MICAL1: variants seen among roughly 807,000 people sequenced by gnomAD.
The protein encoded by MICAL1 is microtubule associated monooxygenase, calponin and LIM domain containing 1.
MICAL1 carries 95 observed loss-of-function variants against 131.8 expected under a neutral mutation model. The observed-to-expected ratio is 0.72, with a 90% confidence interval of 0.61 to 0.86. MICAL1 has a LOEUF of 0.86. Ranked by LOEUF, MICAL1 falls within the 40% of genes least tolerant of loss-of-function variation. The pLI is 0.00. For missense variants in MICAL1, 1,292 were observed against 1,380.6 expected (o/e 0.94, Z 1.02); for synonymous variants, 546 against 554.2 (o/e 0.99, Z 0.21).
chr6:109,450,095 CAG>C lies in MICAL1; in HGVS notation c.1192-12_1192-11del. The C allele has an allele frequency of 6.2e-7, 1 of 1,611,772 alleles. No individual in the cohort carries two copies. Among genetic ancestry groups the C allele is most frequent in the South Asian group, 1.1e-5 (1 of 90,756 alleles). On this transcript the variant is annotated splice_polypyrimidine_tract_variant and intron_variant, in intron 8 of 24. Transcript: ENST00000358807. ...CCAGGGGCCAGAAGGGCTGCAGTGT[CAG>C]AGGAATAGGAAGCAGCTCAGGGAGA...
Position 109,454,126 on chromosome 6 carries a change from TG to T in MICAL1, c.70del (p.Gln24ArgfsTer4). 1 of 1,613,498 alleles carries T rather than the reference TG, an allele frequency of 6.2e-7. No individual in the cohort carries two copies. Among genetic ancestry groups the T allele is most frequent in the Non-Finnish European group, 8.5e-7 (1 of 1,179,880 alleles). On this transcript the variant is annotated frameshift_variant, in exon 2 of 25. Transcript: ENST00000358807. LOFTEE classifies it high-confidence loss of function. ...FESFLQAQLC[Q>X]DVLSSFQELC... ...CTCCTGGAAGCTGCTCAGCACGTCC[TG>T]GCACAGCTGGGCCTGCAGGAAGCTC...
Position 109,455,754 on chromosome 6 carries a change from T to C in MICAL1, c.-79A>G. The C allele has an allele frequency of 1.1e-6, 1 of 932,402 alleles. No homozygotes were observed. Among genetic ancestry groups the C allele is most frequent in the Non-Finnish European group, 1.2e-6 (1 of 813,926 alleles). The allele number at this position is 932,402 out of a possible 1,614,324, so 57.8% of individuals were successfully genotyped here. A position where few individuals can be genotyped will look rare whatever the true frequency, so the allele number is the denominator to read the frequency against. ...GAAGCCGGGAGGGGCCGCTTCCTGT[T>C]GGGCTGGCAACCAGGTCTGAGCGGG... On this transcript the variant is annotated 5_prime_UTR_variant, in exon 1 of 25. Transcript: ENST00000358807. The surrounding 1 kb of genome is among the most constrained non-coding windows in gnomAD (Gnocchi z 4.7).
Position 109,446,762 on chromosome 6 carries a change from G to A in MICAL1, c.2238C>T (p.Tyr746=), listed in dbSNP as rs1478689657. Residue 746 remains tyrosine (Y), a synonymous_variant, in exon 18 of 25, where the codon TAC becomes TAT. Coordinates refer to ENST00000358807, the MANE Select transcript of MICAL1 (RefSeq NM_022765.4). ...CTGTCTGGGGCAGGTGCTGGAGGCA[G>A]TAGAAATGTCCTGGAAAGGGTAGAG... The part of the protein sequence containing the change: ...YEQHPGDGHF[Y]CLQHLPQTDH... The A allele has an allele frequency of 6.2e-7, 1 of 1,613,494 alleles. No individual in the cohort carries two copies. The highest frequency in any genetic ancestry group is 8.5e-7 in the Non-Finnish European group (1 of 1,179,862).
At chr6:109,465,852 C>A (rs1776023256) in exon 1 of MICAL1, 1 of 1,614,176 alleles carries the variant, frequency 6.2e-7, no homozygotes, top group South Asian at 1.1e-5. Flanking sequence ...GTTTACAGGT[C>A]AGCTCTGCTC....
chr6:109,447,296 A>G, intron 16 of MICAL1, 61 bp downstream of exon 16: 9 of 1,613,858 alleles, frequency 5.6e-6, no homozygotes, highest in Non-Finnish European at 6.8e-6. Context: ...TTTCCCTCCC[A>G]TGAAACGCCC....
At chr6:109,459,958 GGAAAATCATCTTT>G (rs1158741479), upstream of MICAL1, among the ~76,000 whole-genome samples, 2 of 152,194 alleles carry the variant, frequency 1.3e-5, no homozygotes, top group East Asian at 3.9e-4. Flanking sequence ...CTATTCTTTT[GGAAAATCATCTTT>G]GAATTATATT....
In MICAL1 at chr6:109,448,299, A is replaced by T; in HGVS notation, c.1759T>A (p.Ser587Thr). Residue 587 changes from serine to threonine, a missense_variant, in exon 13 of 25, where the codon TCT (serine) becomes ACT (threonine). Physicochemically the swap from Ser to Thr is moderately conservative, Grantham distance 58. Transcript: ENST00000358807. ...CTCCCTGCTACCACGGCCTGTGCAG[A>T]CACCACCGGTGTGATGCCCAGCTCA... is the stretch of plus-strand genomic sequence containing the variant. ...ENELGITPVVSAQAVVAGSDP... is the reference protein window; with the variant it reads ...ENELGITPVVTAQAVVAGSDP... 1.9e-6 allele frequency: 3 copies of T among 1,613,988 alleles called. No individual in the cohort carries two copies. Among genetic ancestry groups the T allele is most frequent in the Non-Finnish European group, 2.5e-6 (3 of 1,179,996 alleles).
At chr6:109,449,546 G>T in intron 10 of MICAL1, 65 bp from the exon 11 acceptor site, 2 of 1,607,710 alleles carry the variant, frequency 1.2e-6, no homozygotes, top group South Asian at 1.1e-5. Flanking sequence ...CAGGGGTAAG[G>T]GCCTGCCGGG....
intron 17 of MICAL1, 48 bp from the exon 18 acceptor site, chr6:109,446,820 T>A: frequency 6.5e-7 from 1 of 1,541,800 alleles, no homozygotes; most frequent in African/African-American, 1.4e-5. Context: ...GGCAGCCCAG[T>A]GCCCAGACAC....
chr6:109,453,781 GC>G lies in MICAL1; in HGVS notation c.322del (p.Ala108ProfsTer58). ...GCGCTTTTCCACCAGCACCACTCGG[GC>G]CCCCAGCAGCGCCAGCTCCACAGCG... ...RVAVELALLGARVVLVEKRTK... is the reference protein window; with the variant it reads ...RVAVELALLGXRVVLVEKRTK... On this transcript the variant is annotated frameshift_variant, in exon 3 of 25. Coordinates refer to ENST00000358807, the MANE Select transcript of MICAL1 (RefSeq NM_022765.4). LOFTEE classifies it high-confidence loss of function. 6.2e-7 allele frequency: 1 copy of G among 1,613,666 alleles called. No homozygotes were observed. The highest frequency in any genetic ancestry group is 1.1e-5 in the South Asian group (1 of 91,084).
chr6:109,448,088 CCT>C, intron 13 of MICAL1, 113 bp downstream of exon 13: 2 of 1,238,372 alleles, frequency 1.6e-6, no homozygotes, highest in Non-Finnish European at 1.0e-6. Flanking sequence ...GCGCCTTCTT[CCT>C]CTTTCTGACA....
chr6:109,449,488 C>A lies in MICAL1; in HGVS notation c.1435-7G>T, dbSNP rs1202273352. On this transcript the variant is annotated splice_polypyrimidine_tract_variant and splice_region_variant and intron_variant, in intron 10 of 24. Transcript: ENST00000358807. ...CATCATACAGGTCTCGTACCTAAGG[C>A]AGCCCCGCTCAGGTCTCAAGGCAGG... is the stretch of plus-strand genomic sequence containing the variant. The A allele has an allele frequency of 1.2e-6, 2 of 1,614,190 alleles. No individual in the cohort carries two copies. Among genetic ancestry groups the A allele is most frequent in the Non-Finnish European group, 8.5e-7 (1 of 1,180,026 alleles).
chr6:109,447,473 GA>G (rs1361038389), intron 15 of MICAL1, 33 bp from the exon 16 acceptor site: 1 of 1,595,472 alleles, frequency 6.3e-7, no homozygotes, highest in African/African-American at 1.3e-5. Context: ...AGGGAGGGTA[GA>G]GGGGCAGGGC....
chr6:109,448,576 C>G (rs1317255941), intron 12 of MICAL1, 156 bp downstream of exon 12: 1 of 1,313,812 alleles, frequency 7.6e-7, no homozygotes, highest in Non-Finnish European at 1.1e-6. Context: ...CTTTGGGGGC[C>G]TGTGCCATTC....
At chr6:109,459,136 A>C (rs1313217988), upstream of MICAL1, among the ~76,000 whole-genome samples, 2 of 152,190 alleles carry the variant, frequency 1.3e-5, no homozygotes, top group Non-Finnish European at 2.9e-5. Context: ...CCCAAGAGGA[A>C]GTTGGAGATT....
In MICAL1 at chr6:109,449,494, C is replaced by T. The variant is rs112253065; in HGVS notation, c.1435-13G>A. 4.1e-3 allele frequency: 6,579 copies of T among 1,614,110 alleles called. 209 individuals are homozygous for T. In the African/African-American group the frequency reaches 0.073, roughly 18 times the overall value. ...ACAGGTCTCGTACCTAAGGCAGCCCCGCTCAGGTCTCAAGGCAGGCTGGCC... is the reference window on the plus strand; with the variant it reads ...ACAGGTCTCGTACCTAAGGCAGCCCTGCTCAGGTCTCAAGGCAGGCTGGCC... On this transcript the variant is annotated splice_polypyrimidine_tract_variant and intron_variant, in intron 10 of 24. Transcript: ENST00000358807.
chr6:109,455,720 G>T lies in MICAL1; in HGVS notation c.-45C>A, dbSNP rs1045026939. On this transcript the variant is annotated splice_region_variant and 5_prime_UTR_variant, in exon 1 of 25. Coordinates refer to ENST00000358807, the MANE Select transcript of MICAL1 (RefSeq NM_022765.4). The surrounding 1 kb of genome is among the most constrained non-coding windows in gnomAD (Gnocchi z 4.7). The stretch of plus-strand genomic sequence containing the variant: ...AGCCGGCTCCGCTGGACGACTTACC[G>T]GCGGCTCCGAAGCCGGGAGGGGCCG... 1 of 983,874 alleles carries T rather than the reference G, an allele frequency of 1.0e-6. No individual in the cohort carries two copies. The highest frequency in any genetic ancestry group is 1.8e-5 in the African/African-American group (1 of 56,462). The allele number at this position is 983,874 out of a possible 1,614,324, so 60.9% of individuals were successfully genotyped here.
chr6:109,465,276 C>T lies in MICAL1; in HGVS notation c.14+388G>A, dbSNP rs1776005351. ...TTCTGAAGTGTTAACACAATAAGCC[C>T]ACTGTACTGCATAAAGATAAAACGT... On this transcript the variant is annotated intron_variant, in intron 1 of 24. Transcript: ENST00000630715. 18 of 204,240 alleles carry T rather than the reference C, an allele frequency of 8.8e-5. No individual in the cohort carries two copies. The South Asian group carries it at 1.7e-3, about 19-fold the overall frequency. The allele number at this position is 204,240 out of a possible 1,614,324, so 12.7% of individuals were successfully genotyped here.
upstream of MICAL1, among the ~76,000 whole-genome samples, chr6:109,456,330 G>A (rs1373439603): frequency 6.6e-6 from 1 of 152,198 alleles, no homozygotes; most frequent in Non-Finnish European, 1.5e-5. Context: ...GCTCTCCTCC[G>A]GTCTCCCACC....
Sources: gnomAD v4.1 joint callset for allele counts (sites outside exome capture counted in the v4.1 genomes callset) on GRCh38, gnomAD v4.1.1 for gene constraint, Gnocchi (gnomAD v3.1) non-coding constraint, MANE v1.5 for transcripts, NCBI Gene and HGNC (gene_info 2026-07-23, HGNC 2026-07-21) for gene names.